The following USP39 variants were observed in gnomAD, a reference collection of about 807,000 sequenced individuals.
USP39 encodes the protein ubiquitin specific peptidase 39.
A neutral mutation model predicts 66.4 loss-of-function variants in USP39; 38 were observed. The observed-to-expected ratio is 0.57, with a 90% CI of 0.44 to 0.75. The LOEUF (loss-of-function observed/expected upper bound fraction) is 0.75. Among genes scored for constraint, USP39 ranks in the 30% least tolerant of loss-of-function variants. The probability of loss-of-function intolerance (pLI) is 0.00; values close to 1 mark genes in which losing one functional copy is unlikely to be tolerated. For synonymous variants in USP39, 303 were observed against 274.6 expected (o/e 1.10, Z -1.02); for missense variants, 608 against 714.4 (o/e 0.85, Z 1.70).
At chr2:85,635,996 T>C (rs757726060) in intron 6 of USP39, 57 bp from the exon 7 acceptor site, 177,773 of 1,557,932 alleles carry the variant, frequency 0.11, 10,964 homozygotes, top group South Asian at 0.18. Context: ...GTGCATGGTT[T>C]AAGTTAACTC....
At chr2:85,644,605 T>C (rs942930036) in intron 10 of USP39, among the ~76,000 whole-genome samples, 1 of 152,100 alleles carries the variant, frequency 6.6e-6, no homozygotes, top group South Asian at 2.1e-4. Context: ...CTAATTTTTT[T>C]TTTGTAGGGG....
intron 11 of USP39, 183 bp downstream of exon 11, chr2:85,645,266 CA>C: frequency 1.6e-6 from 1 of 626,178 alleles, no homozygotes; most frequent in Non-Finnish European, 2.6e-6. Context: ...ACATTGGACT[CA>C]CCTTGGGAGC....
At chr2:85,608,920 C>T (rs1450187836), upstream of USP39, 1 of 1,613,190 alleles carries the variant, frequency 6.2e-7, no homozygotes, top group Admixed American at 1.7e-5. Context: ...GTGAATCCAG[C>T]CTGGAGAGAA....
Position 85,648,846 on chromosome 2 carries a change from T to C in USP39, c.*38T>C, listed in dbSNP as rs758567754. Reference sequence around the variant, plus strand: ...GGGCTTTGCTCCCAAGGGCTGTGGCTGATGATGGTAAATAAGAACACAGAA... The same window carrying C: ...GGGCTTTGCTCCCAAGGGCTGTGGCCGATGATGGTAAATAAGAACACAGAA... On this transcript the variant is annotated 3_prime_UTR_variant, in exon 13 of 13. Transcript: ENST00000323701. 16 of 1,611,928 alleles carry C rather than the reference T, an allele frequency of 9.9e-6. No homozygotes were observed. The highest frequency in any genetic ancestry group is 1.4e-5 in the Non-Finnish European group (16 of 1,178,984).
rs1430898883 is a variant in USP39, at chr2:85,616,526, C to T, written c.268+63C>T. The T allele has an allele frequency of 8.4e-6, 10 of 1,186,214 alleles. No homozygotes were observed. In the African/African-American group the frequency reaches 8.6e-5, roughly 10 times the overall value. 73.5% of individuals were successfully genotyped at this position (1,186,214 alleles called of 1,614,324 possible). A position where few individuals can be genotyped will look rare whatever the true frequency, so the allele number is the denominator to read the frequency against. On this transcript the variant is annotated intron_variant, in intron 1 of 12. Transcript: ENST00000323701. Reference sequence around the variant, plus strand: ...TTTTTTTCGCGTCCTTTTTTCTTGTCTCTAATCTTCCGCTAGGTCACTGCG... The same window carrying T: ...TTTTTTTCGCGTCCTTTTTTCTTGTTTCTAATCTTCCGCTAGGTCACTGCG...
upstream of USP39, chr2:85,611,838 C>T (rs1673559429): frequency 3.7e-6 from 6 of 1,602,956 alleles, no homozygotes; most frequent in Non-Finnish European, 5.1e-6. Flanking sequence ...CCAGGCCAGG[C>T]CAGGAGTGGT....
chr2:85,622,425 A>G (rs1161105005), intron 3 of USP39, among the ~76,000 whole-genome samples: 1 of 151,770 alleles, frequency 6.6e-6, no homozygotes, highest in Non-Finnish European at 1.5e-5. Flanking sequence ...GCACGGCCAC[A>G]TTTTTTTAAA....
At chr2:85,628,531 A>G (rs548876045) in intron 5 of USP39, among the ~76,000 whole-genome samples, 1 of 152,300 alleles carries the variant, frequency 6.6e-6, no homozygotes, top group South Asian at 2.1e-4. Flanking sequence ...TTTAGATCGC[A>G]TAGGAAGTTC....
At chr2:85,629,322 A>G (rs1000102395) in intron 5 of USP39, among the ~76,000 whole-genome samples, 7 of 151,628 alleles carry the variant, frequency 4.6e-5, no homozygotes, top group Admixed American at 3.9e-4. Context: ...TGGCCTCCCA[A>G]AGTGCTGGGA....
upstream of USP39, chr2:85,608,987 C>A (rs369747469): frequency 1.1e-5 from 17 of 1,614,234 alleles, no homozygotes; most frequent in African/African-American, 2.1e-4. Flanking sequence ...CCTGGATACG[C>A]AACTTGAGGG....
At chr2:85,612,165 T>C, upstream of USP39, 1 of 896,176 alleles carries the variant, frequency 1.1e-6, no homozygotes, top group South Asian at 1.7e-5. Flanking sequence ...TCGGGTCGGG[T>C]GGAGTAGGGT....
intron 1 of USP39, chr2:85,606,777 CTCT>C (rs1214273696): frequency 6.6e-6 from 1 of 151,632 alleles, no homozygotes; most frequent in Non-Finnish European, 1.5e-5. Context: ...TGCCTTTTAC[CTCT>C]TCCTTTTTTT....
At chr2:85,643,917 T>C (rs113329384) in intron 10 of USP39, among the ~76,000 whole-genome samples, 10,435 of 151,992 alleles carry the variant, frequency 0.069, 1,208 homozygotes, top group African/African-American at 0.24. Context: ...CCTCCCAAAG[T>C]GTTGGGATTA....
At chr2:85,636,715 A>G (rs1284051454) in intron 7 of USP39, among the ~76,000 whole-genome samples, 1 of 152,092 alleles carries the variant, frequency 6.6e-6, no homozygotes, top group Non-Finnish European at 1.5e-5. Context: ...CATGTTGGCC[A>G]GGCTGGTCTC....
chr2:85,633,494 G>C (rs1321102993), intron 6 of USP39, among the ~76,000 whole-genome samples: 1 of 152,148 alleles, frequency 6.6e-6, no homozygotes, highest in African/African-American at 2.4e-5. Context: ...TTCCAGCTGG[G>C]CATGGTCACT....
Position 85,639,317 on chromosome 2 carries a change from G to A in USP39, c.1210G>A (p.Glu404Lys), listed in dbSNP as rs1676046564. 2 of 1,613,896 alleles carry A rather than the reference G, an allele frequency of 1.2e-6. No individual in the cohort carries two copies. Among genetic ancestry groups the A allele is most frequent in the African/African-American group, 1.3e-5 (1 of 74,854 alleles). Residue 404 changes from glutamate to lysine, a missense_variant, in exon 9 of 13, where the codon GAG (glutamate) becomes AAG (lysine). Transcript: ENST00000323701. The stretch of plus-strand genomic sequence containing the variant: ...TCCTACTGCCCCCCTCTACAAGGAC[G>A]AGAAGGAGCAGCTCATCATTCCCCA... ...DLPTAPLYKD[E>K]KEQLIIPQVP...
upstream of USP39, among the ~76,000 whole-genome samples, chr2:85,612,801 C>CA (rs1434601658): frequency 3.9e-5 from 6 of 152,168 alleles, no homozygotes; most frequent in Admixed American, 3.3e-4. Flanking sequence ...GCTGGGACTA[C>CA]ATGCGCGTGC....
intron 4 of USP39, among the ~76,000 whole-genome samples, chr2:85,624,075 C>T (rs1674663521): frequency 1.3e-5 from 2 of 152,158 alleles, no homozygotes. Flanking sequence ...TATTCTTCTA[C>T]ACTGTGAAGT....
Position 85,630,951 on chromosome 2 carries a change from GA to G in USP39, c.949+7del, listed in dbSNP as rs1675275534. The G allele has an allele frequency of 1.7e-5, 27 of 1,611,168 alleles. No homozygotes were observed. Among genetic ancestry groups the G allele is most frequent in the Non-Finnish European group, 2.0e-5 (24 of 1,178,308 alleles). ...CTTTTCAGATCACCAAACAAGGTAA[GA>G]ACAAGTCATTCATGTTTCAGGACAA... On this transcript the variant is annotated splice_donor_region_variant and intron_variant, in intron 6 of 12. Coordinates refer to ENST00000323701, the MANE Select transcript of USP39 (RefSeq NM_006590.4).
Sources: allele counts gnomAD v4.1 joint callset (sites outside exome capture counted in the v4.1 genomes callset), GRCh38; gene constraint gnomAD v4.1.1; transcripts MANE v1.5; gene names NCBI Gene and HGNC (gene_info 2026-07-23, HGNC 2026-07-21).